URB1: variants seen among roughly 807,000 people sequenced by gnomAD.
URB1 encodes URB1 ribosome biogenesis factor.
A neutral mutation model predicts 242.3 loss-of-function variants in URB1; 197 were observed. That is an observed-to-expected ratio of 0.81 (90% CI 0.72 to 0.91). The LOEUF is 0.91. URB1 is among the 40% of genes least tolerant of loss of function. The probability of loss-of-function intolerance (pLI) is 0.00; values close to 1 mark genes in which losing one functional copy is unlikely to be tolerated. For missense variants in URB1, 2,721 were observed against 2,860.5 expected (o/e 0.95, Z 1.11); for synonymous variants, 1,153 against 1,201.8 (o/e 0.96, Z 0.84).
At chr21:32,386,623 T>C (rs2033586156) in intron 1 of URB1, among the ~76,000 whole-genome samples, 1 of 152,186 alleles carries the variant, frequency 6.6e-6, no homozygotes, top group Non-Finnish European at 1.5e-5. Flanking sequence ...AGTCTGGCAA[T>C]GACTCGTCTG....
chr21:32,381,624 C>T (rs191310658), intron 4 of URB1, among the ~76,000 whole-genome samples: 86 of 152,202 alleles, frequency 5.7e-4, no homozygotes, highest in Admixed American at 5.9e-4. Flanking sequence ...ATTTTTGAGA[C>T]GGAAAAAACC....
intron 31 of URB1, among the ~76,000 whole-genome samples, 176 bp downstream of exon 31, chr21:32,325,053 C>T (rs1341201901): frequency 1.3e-5 from 2 of 152,158 alleles, no homozygotes; most frequent in Non-Finnish European, 2.9e-5. Context: ...GGATCAAAGG[C>T]GACCTCCGGG....
intron 25 of URB1, 109 bp downstream of exon 25, chr21:32,341,357 C>A (rs959337704): frequency 1.8e-6 from 2 of 1,099,294 alleles, no homozygotes; most frequent in South Asian, 3.1e-5. Flanking sequence ...GAGGTGACAT[C>A]GGCTCCACCA....
chr21:32,347,832 A>G (rs1398747855), intron 21 of URB1, 21 bp from the exon 22 acceptor site: 3 of 1,527,514 alleles, frequency 2.0e-6, no homozygotes, highest in Non-Finnish European at 2.6e-6. Flanking sequence ...GTGACGAGGC[A>G]CAGACGTCAC....
intron 6 of URB1, among the ~76,000 whole-genome samples, chr21:32,374,187 G>A (rs1238226621): frequency 6.6e-6 from 1 of 152,170 alleles, no homozygotes; most frequent in Non-Finnish European, 1.5e-5. Context: ...TTCCCCTGGT[G>A]TTTACAATTA....
chr21:32,363,432 G>A, intron 10 of URB1, 103 bp from the exon 11 acceptor site: 1 of 1,371,842 alleles, frequency 7.3e-7, no homozygotes, highest in Non-Finnish European at 9.8e-7. Flanking sequence ...CACTCACAGG[G>A]AAAGCTGCAT....
chr21:32,318,753 A>G (rs958845156), intron 36 of URB1, among the ~76,000 whole-genome samples: 3 of 152,218 alleles, frequency 2.0e-5, no homozygotes, highest in Non-Finnish European at 4.4e-5. Context: ...GGAGGAAAAT[A>G]CTGAAACATT....
Position 32,334,455 on chromosome 21 carries a change from C to T in URB1, c.4686-121G>A, listed in dbSNP as rs561306152. The T allele has an allele frequency of 2.6e-5, 31 of 1,178,668 alleles. No individual in the cohort carries two copies. The East Asian group carries it at 7.6e-4, about 29-fold the overall frequency. 73.0% of individuals were successfully genotyped at this position (1,178,668 alleles called of 1,614,324 possible). A position where few individuals can be genotyped will look rare whatever the true frequency, so the allele number is the denominator to read the frequency against. On this transcript the variant is annotated intron_variant, in intron 28 of 38. Coordinates refer to ENST00000382751, the MANE Select transcript of URB1 (RefSeq NM_014825.3). The stretch of plus-strand genomic sequence containing the variant: ...AGTTCACACCAGGTGCTGTTCTGAG[C>T]ATGCGACGTGTTATATCACTCAATC...
intron 8 of URB1, among the ~76,000 whole-genome samples, chr21:32,370,766 T>A (rs1355070302): frequency 6.6e-6 from 1 of 152,228 alleles, no homozygotes; most frequent in African/African-American, 2.4e-5. Context: ...CTTATTTACA[T>A]CTATGGATGC....
At chr21:32,318,959 T>C (rs1178772831) in intron 36 of URB1, among the ~76,000 whole-genome samples, 2 of 152,118 alleles carry the variant, frequency 1.3e-5, no homozygotes, top group Non-Finnish European at 2.9e-5. Context: ...ACATTAGGTG[T>C]TAATGTTAAC....
Position 32,368,478 on chromosome 21 carries a change from G to T in URB1, c.1122C>A (p.Tyr374Ter). ...LKVCPDLLNK[Y>*]FKEVTFSFIP... Reference sequence around the variant, plus strand: ...TAAAGGAAAACGTTACTTCCTTGAAGTATTTGTTCAGTAAGTCCGGGCACA... The same window carrying T: ...TAAAGGAAAACGTTACTTCCTTGAATTATTTGTTCAGTAAGTCCGGGCACA... Residue 374 changes from tyrosine to a stop codon, truncating the protein, a stop_gained, in exon 9 of 39, where the codon TAC becomes TAA. Transcript: ENST00000382751. LOFTEE classifies it high-confidence loss of function. The T allele has an allele frequency of 6.4e-7, 1 of 1,551,920 alleles. No individual in the cohort carries two copies. Among genetic ancestry groups the T allele is most frequent in the Non-Finnish European group, 8.7e-7 (1 of 1,147,050 alleles).
chr21:32,392,701 T>C, intron 1 of URB1, 68 bp downstream of exon 1: 1 of 1,361,130 alleles, frequency 7.3e-7, no homozygotes, highest in Non-Finnish European at 9.5e-7. Context: ...GGAGAGGCTG[T>C]GCCCGGCACA....
rs1290984507 is a variant in URB1, at chr21:32,321,898, AT to A, written c.5386del (p.Ile1796SerfsTer60). On this transcript the variant is annotated frameshift_variant, in exon 34 of 39. Transcript: ENST00000382751. LOFTEE classifies it high-confidence loss of function. ...CAGTTCGTAGCACTGCTTGTCACGG[AT>A]CCCCTGCCGCAGAACGCCAAACACC... Reference protein sequence around the residue: ...KWVFGVLRQGIRDKQCYELCA... With the variant: ...KWVFGVLRQGXRDKQCYELCA... The A allele has an allele frequency of 1.3e-6, 2 of 1,551,544 alleles. No homozygotes were observed. Among genetic ancestry groups the A allele is most frequent in the African/African-American group, 2.7e-5 (2 of 73,038 alleles).
At chr21:32,336,686 T>C (rs1204995472) in intron 28 of URB1, among the ~76,000 whole-genome samples, 1 of 151,812 alleles carries the variant, frequency 6.6e-6, no homozygotes, top group African/African-American at 2.4e-5. Context: ...TGCATGCACA[T>C]ACAGACAAAA....
intron 36 of URB1, among the ~76,000 whole-genome samples, chr21:32,318,470 C>T (rs573160500): frequency 8.5e-5 from 13 of 152,314 alleles, no homozygotes; most frequent in African/African-American, 1.2e-4. Context: ...GCATGTCTTC[C>T]GAAGATCCCT....
intron 30 of URB1, among the ~76,000 whole-genome samples, chr21:32,327,861 T>C (rs576506894): frequency 2.0e-5 from 3 of 152,322 alleles, no homozygotes; most frequent in South Asian, 4.1e-4. Flanking sequence ...AGTAAAAATA[T>C]GCATGCATGC....
chr21:32,375,833 T>C (rs1029495440), intron 5 of URB1, among the ~76,000 whole-genome samples: 1 of 152,050 alleles, frequency 6.6e-6, no homozygotes, highest in South Asian at 2.1e-4. Flanking sequence ...GTAGTCTTAC[T>C]GTAGTCTTAG....
In URB1 at chr21:32,317,672, T is replaced by C. The variant is rs760063115; in HGVS notation, c.6034+4A>G. 1 of 1,551,556 alleles carries C rather than the reference T, an allele frequency of 6.4e-7. No individual in the cohort carries two copies. Among genetic ancestry groups the C allele is most frequent in the South Asian group, 1.2e-5 (1 of 84,062 alleles). On this transcript the variant is annotated splice_donor_region_variant and intron_variant, in intron 37 of 38. Coordinates refer to ENST00000382751, the MANE Select transcript of URB1 (RefSeq NM_014825.3). ...CTGGGCCAGTCCTGGGTTCTGACAC[T>C]CACTCATGAGCTCCCGGGCTTGGGC...
chr21:32,354,201 G>GA (rs1201272700), intron 17 of URB1, 98 bp from the exon 18 acceptor site: 33 of 1,392,586 alleles, frequency 2.4e-5, no homozygotes, highest in East Asian at 5.1e-5. Context: ...CGTGCAAAAA[G>GA]AAAAAAGCCA....
Sources: allele counts gnomAD v4.1 joint callset (sites outside exome capture counted in the v4.1 genomes callset), GRCh38; gene constraint gnomAD v4.1.1; transcripts MANE v1.5; gene names NCBI Gene and HGNC (gene_info 2026-07-23, HGNC 2026-07-21).